The following SMC6 variants were observed in gnomAD, a reference collection of about 807,000 sequenced individuals.
SMC6 encodes the protein structural maintenance of chromosomes 6, also known as structural maintenance of chromosomes protein 6.
SMC6 carries 79 observed loss-of-function variants against 142.2 expected under a neutral mutation model. The observed-to-expected ratio is 0.56, with a 90% CI of 0.46 to 0.67. The LOEUF (loss-of-function observed/expected upper bound fraction) is 0.67. SMC6 is among the 30% of genes least tolerant of loss of function. The probability of loss-of-function intolerance (pLI) is 0.00; values close to 1 mark genes in which losing one functional copy is unlikely to be tolerated. For missense variants in SMC6, 1,072 were observed against 1,284.0 expected (o/e 0.83, Z 2.52); for synonymous variants, 411 against 412.4 (o/e 1.00, Z 0.04).
At chr2:17,735,286 T>A (rs1181935554) in intron 5 of SMC6, among the ~76,000 whole-genome samples, 1 of 152,146 alleles carries the variant, frequency 6.6e-6, no homozygotes, top group Non-Finnish European at 1.5e-5. Flanking sequence ...TTTTTCAGAA[T>A]GACAACACAA....
chr2:17,690,938 C>T (rs75115837), intron 23 of SMC6, among the ~76,000 whole-genome samples: 3,974 of 150,952 alleles, frequency 0.026, 83 homozygotes, highest in Middle Eastern at 0.044. Flanking sequence ...GAAATCTGAC[C>T]ATATGGAGTT....
chr2:17,688,944 G>A (rs975462687), intron 23 of SMC6, among the ~76,000 whole-genome samples: 23 of 152,200 alleles, frequency 1.5e-4, no homozygotes, highest in African/African-American at 5.1e-4. Context: ...GTATAGTAAA[G>A]ATTCGTTCAG....
chr2:17,705,241 G>C (rs1445789357), intron 18 of SMC6, among the ~76,000 whole-genome samples: 1 of 152,008 alleles, frequency 6.6e-6, no homozygotes, highest in Non-Finnish European at 1.5e-5. Flanking sequence ...CTGATCGACA[G>C]AGTGAGACCC....
At chr2:17,688,715 G>A (rs1029123767) in intron 23 of SMC6, among the ~76,000 whole-genome samples, 2 of 152,010 alleles carry the variant, frequency 1.3e-5, no homozygotes, top group African/African-American at 4.8e-5. Context: ...CCTAATCCAA[G>A]TAACTTTACA....
intron 18 of SMC6, among the ~76,000 whole-genome samples, chr2:17,706,988 T>C (rs902895799): frequency 3.3e-5 from 5 of 152,146 alleles, no homozygotes; most frequent in African/African-American, 1.2e-4. Context: ...AATGATCCAG[T>C]TGAGGGAATA....
At chr2:17,697,267 GA>G (rs1033191970) in intron 21 of SMC6, among the ~76,000 whole-genome samples, 42 of 141,856 alleles carry the variant, frequency 3.0e-4, no homozygotes, top group East Asian at 1.2e-3. Flanking sequence ...ATAACAATTA[GA>G]AAAAAAAAAG....
intron 4 of SMC6, chr2:17,740,722 G>A (rs76470587): frequency 3.1e-5 from 14 of 446,838 alleles, no homozygotes; most frequent in South Asian, 2.2e-4. Flanking sequence ...AGGCTTGAAG[G>A]CACGCTAATC....
intron 16 of SMC6, among the ~76,000 whole-genome samples, chr2:17,713,805 G>A (rs1022585069): frequency 3.3e-5 from 5 of 152,118 alleles, no homozygotes; most frequent in East Asian, 1.9e-4. Context: ...ATGCTTCCAC[G>A]CATTTTGCAC....
At chr2:17,715,366 T>A (rs1160713222) in intron 15 of SMC6, among the ~76,000 whole-genome samples, 1 of 152,098 alleles carries the variant, frequency 6.6e-6, no homozygotes, top group East Asian at 1.9e-4. Flanking sequence ...GTGGCTTTTC[T>A]ATGTTCAGTT....
intron 5 of SMC6, among the ~76,000 whole-genome samples, chr2:17,732,267 T>G (rs939542560): frequency 1.3e-4 from 20 of 152,172 alleles, no homozygotes; most frequent in Non-Finnish European, 2.9e-5. Context: ...GCATCATGCT[T>G]GACAGTAGGC....
intron 18 of SMC6, among the ~76,000 whole-genome samples, chr2:17,706,949 C>A (rs1194164078): frequency 6.6e-6 from 1 of 152,128 alleles, no homozygotes; most frequent in Non-Finnish European, 1.5e-5. Flanking sequence ...GCTCCTATCT[C>A]CTTGAGGACA....
chr2:17,670,749 T>C (rs1052567246), intron 25 of SMC6, among the ~76,000 whole-genome samples, 174 bp from the exon 26 acceptor site: 2 of 152,222 alleles, frequency 1.3e-5, no homozygotes, highest in East Asian at 1.9e-4. Flanking sequence ...AAAACAGTTA[T>C]ACGTATAATG....
chr2:17,726,870 G>A (rs777023191), intron 7 of SMC6, among the ~76,000 whole-genome samples: 7 of 152,224 alleles, frequency 4.6e-5, no homozygotes, highest in Non-Finnish European at 8.8e-5. Flanking sequence ...CAGTCACCTC[G>A]GGTTCTTGTT....
chr2:17,701,427 A>C (rs546305907), intron 20 of SMC6, among the ~76,000 whole-genome samples: 3 of 151,896 alleles, frequency 2.0e-5, no homozygotes, highest in South Asian at 2.1e-4. Flanking sequence ...AAGAAAAAAA[A>C]CAAGACACCA....
In SMC6 at chr2:17,696,395, T is replaced by C; in HGVS notation, c.2426A>G (p.Asp809Gly). 2 of 1,611,034 alleles carry C rather than the reference T, an allele frequency of 1.2e-6. No individual in the cohort carries two copies. Among genetic ancestry groups the C allele is most frequent in the Non-Finnish European group, 1.7e-6 (2 of 1,179,388 alleles). ...DELNLADSEV[D>G]NQKRGKRHYE... is the part of the protein sequence containing the mutation. ...ATGTCGTTTCCCTCGTTTTTGGTTATCCACTTCAGAATCAGCAAGGTTTAA... is the reference window on the plus strand; with the variant it reads ...ATGTCGTTTCCCTCGTTTTTGGTTACCCACTTCAGAATCAGCAAGGTTTAA... Residue 809 changes from aspartate (D) to glycine (G), a missense_variant, in exon 22 of 28, where the codon GAT becomes GGT. Asp to Gly is a moderately conservative substitution (Grantham distance 94). Transcript: ENST00000448223.
chr2:17,673,958 G>A lies in SMC6; in HGVS notation c.2911-3383C>T, dbSNP rs74768146. ...CCACCCTCTTCCACAGGCTTGCAGT[G>A]GAGTCCTGTCATTACATATATGTAT... is the stretch of plus-strand genomic sequence containing the variant. On this transcript the variant is annotated intron_variant, in intron 25 of 27. Transcript: ENST00000448223. 7.2e-5 allele frequency among the ~76,000 whole-genome samples: 11 copies of A among 152,230 alleles called. No individual in the cohort carries two copies. The East Asian group carries it at 2.1e-3, about 29-fold the overall frequency.
intron 21 of SMC6, among the ~76,000 whole-genome samples, chr2:17,697,127 T>A (rs1047290483): frequency 1.3e-5 from 2 of 152,118 alleles, no homozygotes; most frequent in Non-Finnish European, 2.9e-5. Context: ...AAATATAGAA[T>A]GCTTTCTTTC....
At chr2:17,692,086 C>T (rs188872789) in intron 23 of SMC6, among the ~76,000 whole-genome samples, 1,563 of 152,280 alleles carry the variant, frequency 0.01, 13 homozygotes, top group Non-Finnish European at 0.016. Flanking sequence ...ACATTCCATG[C>T]TCATGGGTAG....
intron 18 of SMC6, 115 bp from the exon 19 acceptor site, chr2:17,703,407 T>C (rs886639196): frequency 6.6e-6 from 6 of 902,676 alleles, no homozygotes. Flanking sequence ...CAAAATCCTT[T>C]TCAGTTAAAC....
Sources: gnomAD v4.1 joint callset for allele counts (sites outside exome capture counted in the v4.1 genomes callset) on GRCh38, gnomAD v4.1.1 for gene constraint, MANE v1.5 for transcripts, NCBI Gene and HGNC (gene_info 2026-07-23, HGNC 2026-07-21) for gene names.